The following UTS2B variants were observed in gnomAD, a reference collection of about 807,000 sequenced individuals.
The protein encoded by UTS2B is urotensin-2B.
Under a neutral mutation model 19.2 loss-of-function variants are expected in UTS2B, and 21 were observed. The ratio of observed to expected loss-of-function variants is 1.09; its 90% confidence interval spans 0.78 to 1.58. UTS2B has a LOEUF of 1.58. UTS2B is among the 40% of genes most tolerant of loss of function. The probability of loss-of-function intolerance (pLI) is 0.00; values close to 1 mark genes in which losing one functional copy is unlikely to be tolerated. For missense variants in UTS2B, 138 were observed against 130.3 expected (o/e 1.06, Z -0.29); for synonymous variants, 57 against 50.2 (o/e 1.14, Z -0.58).
chr3:191,317,838 C>T (rs1265475024), intron 2 of UTS2B, among the ~76,000 whole-genome samples: 1 of 152,162 alleles, frequency 6.6e-6, no homozygotes, highest in African/African-American at 2.4e-5. Flanking sequence ...GCTCACCTTC[C>T]CAAAGTACTG....
Position 191,278,072 on chromosome 3 carries a change from C to A in UTS2B, c.202G>T (p.Asp68Tyr). ...NFDFQRPFNT[D>Y]LALPNKLEEL... ...GAGCTTGACTTTATGTTTAACTCAC[C>A]AGTGTTGAAAGGTCTTTGGAAATCA... The change falls in exon 6 of 9, where the codon GAC becomes TAC. Residue 68 changes from aspartate to tyrosine, a missense_variant and splice_region_variant. Physicochemically the swap from Asp to Tyr is radical, Grantham distance 160. Transcript: ENST00000340524. 1 of 1,482,712 alleles carries A rather than the reference C, an allele frequency of 6.7e-7. No homozygotes were observed. Among genetic ancestry groups the A allele is most frequent in the South Asian group, 1.4e-5 (1 of 74,012 alleles). The allele number at this position is 1,482,712 out of a possible 1,614,324, so 91.8% of individuals were successfully genotyped here.
At chr3:191,298,153 AT>A (rs1716903994) in intron 4 of UTS2B, among the ~76,000 whole-genome samples, 1 of 152,210 alleles carries the variant, frequency 6.6e-6, no homozygotes, top group Non-Finnish European at 1.5e-5. Flanking sequence ...CAAGATTCTT[AT>A]ACATTTAACA....
chr3:191,327,472 C>T (rs1443639987), intron 2 of UTS2B, among the ~76,000 whole-genome samples: 3 of 152,226 alleles, frequency 2.0e-5, no homozygotes, highest in Non-Finnish European at 2.9e-5. Flanking sequence ...AGCCATCACA[C>T]TCTAGGCCTG....
chr3:191,286,618 T>C (rs560666648), intron 4 of UTS2B, among the ~76,000 whole-genome samples: 8 of 150,836 alleles, frequency 5.3e-5, no homozygotes, highest in African/African-American at 1.9e-4. Flanking sequence ...ACAGCAAAAG[T>C]AGTTAAAAGG....
Position 191,288,819 on chromosome 3 carries a change from T to G in UTS2B, c.-124-6506A>C, listed in dbSNP as rs1018370881. ...GTAGATTAAAGACTTAAGACTGGACTCTATAAAACTCCTGCAAAAAAACAC... is the reference window on the plus strand; with the variant it reads ...GTAGATTAAAGACTTAAGACTGGACGCTATAAAACTCCTGCAAAAAAACAC... On this transcript the variant is annotated intron_variant, in intron 4 of 8. Coordinates refer to ENST00000340524, the MANE Select transcript of UTS2B (RefSeq NM_198152.5). Among the ~76,000 whole-genome samples the G allele has an allele frequency of 3.8e-4, 58 of 152,156 alleles. 2 individuals are homozygous for G. The highest frequency in any genetic ancestry group is 1.5e-5 in the Non-Finnish European group (1 of 68,006).
the UTS2B span, among the ~76,000 whole-genome samples, chr3:191,340,241 TA>T: frequency 6.6e-6 from 1 of 152,240 alleles, no homozygotes; most frequent in Non-Finnish European, 1.5e-5. Flanking sequence ...GAGCCAAGAC[TA>T]AAATTCTGAC....
chr3:191,337,763 G>T, the UTS2B span, among the ~76,000 whole-genome samples: 1 of 151,944 alleles, frequency 6.6e-6, no homozygotes. Context: ...CTGAGTAAGG[G>T]TCTGTGGGGC....
At chr3:191,272,086 T>C (rs1468642112) in intron 8 of UTS2B, among the ~76,000 whole-genome samples, 3 of 152,202 alleles carry the variant, frequency 2.0e-5, no homozygotes, top group Admixed American at 6.5e-5. Flanking sequence ...GTGTTCCACA[T>C]AGTGTATGCA....
At chr3:191,269,501 GT>G (rs543202622) in intron 8 of UTS2B, among the ~76,000 whole-genome samples, 2,443 of 141,602 alleles carry the variant, frequency 0.017, 21 homozygotes, top group Non-Finnish European at 0.019. Context: ...TTTTTTTCAG[GT>G]TTTTTTTTTT....
Position 191,268,290 on chromosome 3 carries a change from A to G in UTS2B, c.*126T>C, listed in dbSNP as rs1715996247. ...ATCCCGCATGCAATTTTGTATTTAC[A>G]ATAATCAGGAGCATTTCATCTTTTA... On this transcript the variant is annotated 3_prime_UTR_variant, in exon 9 of 9. Transcript: ENST00000340524. 1 of 713,508 alleles carries G rather than the reference A, an allele frequency of 1.4e-6. No individual in the cohort carries two copies. Among genetic ancestry groups the G allele is most frequent in the African/African-American group, 1.8e-5 (1 of 54,868 alleles). The allele number at this position is 713,508 out of a possible 1,614,324, so 44.2% of individuals were successfully genotyped here.
At position 191,278,181 on chromosome 3, in the gene UTS2B, C is replaced by A. The variant is rs1716290653; in HGVS notation, c.104-11G>T. On this transcript the variant is annotated splice_polypyrimidine_tract_variant and intron_variant, in intron 5 of 8. Coordinates refer to ENST00000340524, the MANE Select transcript of UTS2B (RefSeq NM_198152.5). Reference sequence around the variant, plus strand: ...GAAATATTTCATTTCCTATAATGATCAAAAACCACCATTTTCAATTTGAGT... The same window carrying A: ...GAAATATTTCATTTCCTATAATGATAAAAAACCACCATTTTCAATTTGAGT... 1.4e-6 allele frequency: 2 copies of A among 1,391,436 alleles called. No homozygotes were observed. The highest frequency in any genetic ancestry group is 1.3e-5 in the South Asian group (1 of 74,144). 86.2% of individuals were successfully genotyped at this position (1,391,436 alleles called of 1,614,324 possible).
upstream of UTS2B, among the ~76,000 whole-genome samples, chr3:191,334,108 G>T (rs144888118): frequency 6.6e-6 from 1 of 152,212 alleles, no homozygotes; most frequent in Non-Finnish European, 1.5e-5. Context: ...CAATTTGGGA[G>T]CAGGAAGGAA....
At chr3:191,308,950 A>T (rs1481266447) in intron 3 of UTS2B, among the ~76,000 whole-genome samples, 1 of 152,232 alleles carries the variant, frequency 6.6e-6, no homozygotes, top group East Asian at 1.9e-4. Flanking sequence ...TGTATTACAA[A>T]AGAGACTAGG....
chr3:191,320,550 G>A (rs1375863967), intron 2 of UTS2B, among the ~76,000 whole-genome samples: 1 of 152,198 alleles, frequency 6.6e-6, no homozygotes. Flanking sequence ...TTCTGTGTCA[G>A]TAAACTCCAG....
At chr3:191,294,728 T>TA (rs35514294) in intron 4 of UTS2B, 56,867 of 144,668 alleles carry the variant, frequency 0.39, 11,305 homozygotes, top group East Asian at 0.64. Flanking sequence ...CAAGTATCAC[T>TA]AAAAAAAAAA....
intron 4 of UTS2B, among the ~76,000 whole-genome samples, chr3:191,286,979 T>C (rs1406722195): frequency 2.0e-5 from 3 of 149,954 alleles, no homozygotes; most frequent in Non-Finnish European, 3.0e-5. Flanking sequence ...TACAAGCAAC[T>C]GTATGTCAAC....
At chr3:191,289,408 C>CAATA (rs373034429) in intron 4 of UTS2B, among the ~76,000 whole-genome samples, 6,066 of 139,270 alleles carry the variant, frequency 0.044, 228 homozygotes, top group African/African-American at 0.095. Context: ...GACTCCATCT[C>CAATA]AATAAATAAA....
intron 5 of UTS2B, among the ~76,000 whole-genome samples, chr3:191,280,075 G>C (rs1273072399): frequency 6.6e-6 from 1 of 152,068 alleles, no homozygotes; most frequent in Admixed American, 6.6e-5. Flanking sequence ...CACAGAAAAT[G>C]TTGATTCATT....
chr3:191,331,291 A>T (rs1717974952), upstream of UTS2B, among the ~76,000 whole-genome samples: 1 of 152,192 alleles, frequency 6.6e-6, no homozygotes, highest in Non-Finnish European at 1.5e-5. Context: ...TCCCCTATTC[A>T]TGTGAGTGAA....
Sources: allele counts gnomAD v4.1 joint callset (sites outside exome capture counted in the v4.1 genomes callset), GRCh38; gene constraint gnomAD v4.1.1; transcripts MANE v1.5; gene names NCBI Gene and HGNC (gene_info 2026-07-23, HGNC 2026-07-21).